The following BUB1B variants were observed in gnomAD, a reference collection of about 807,000 sequenced individuals.
BUB1B encodes the protein mitotic checkpoint serine/threonine-protein kinase BUB1 beta.
A neutral mutation model predicts 137.7 loss-of-function variants in BUB1B; 86 were observed. The ratio of observed to expected loss-of-function variants is 0.62; its 90% confidence interval spans 0.52 to 0.75. The LOEUF is 0.75. Among genes scored for constraint, BUB1B ranks in the 30% least tolerant of loss-of-function variants. The probability of loss-of-function intolerance (pLI) is 0.00; values close to 1 mark genes in which losing one functional copy is unlikely to be tolerated. For missense variants in BUB1B, 1,130 were observed against 1,236.9 expected (o/e 0.91, Z 1.30); for synonymous variants, 420 against 417.9 (o/e 1.00, Z -0.06).
At chr15:40,179,111 TG>T (rs1180814811) in intron 5 of BUB1B, among the ~76,000 whole-genome samples, 1 of 152,136 alleles carries the variant, frequency 6.6e-6, no homozygotes, top group African/African-American at 2.4e-5. Context: ...CTACAATACA[TG>T]GTCTTTTGTG....
In BUB1B at chr15:40,170,047, C is replaced by T; in HGVS notation, c.180-15C>T. The T allele has an allele frequency of 3.7e-6, 6 of 1,609,332 alleles. No individual in the cohort carries two copies. The highest frequency in any genetic ancestry group is 5.1e-6 in the Non-Finnish European group (6 of 1,175,686). Reference sequence around the variant, plus strand: ...TCACTATTGCATATGCTAACTTTTTCTGTTTACATTTCAGGGCATTTGAAT... The same window carrying T: ...TCACTATTGCATATGCTAACTTTTTTTGTTTACATTTCAGGGCATTTGAAT... On this transcript the variant is annotated splice_polypyrimidine_tract_variant and intron_variant, in intron 2 of 22. Transcript: ENST00000287598.
chr15:40,213,252 C>G (rs966412717), intron 19 of BUB1B, 80 bp from the exon 20 acceptor site: 1 of 1,504,836 alleles, frequency 6.6e-7, no homozygotes. Context: ...GACTACAAAC[C>G]ATCAGTTTTC....
chr15:40,206,312 T>C lies in BUB1B; in HGVS notation c.1863T>C (p.Pro621=). The change falls in exon 15 of 23, where the codon CCT becomes CCC. Residue 621 remains proline (P), a synonymous_variant. Coordinates refer to ENST00000287598, the MANE Select transcript of BUB1B (RefSeq NM_001211.6). ...FARAARFVST[P]FHEIMSLKDL... Reference sequence around the variant, plus strand: ...GAGCAGCTCGTTTTGTATCCACTCCTTTTCATGAGATAATGTCCTTGAAGG... The same window carrying C: ...GAGCAGCTCGTTTTGTATCCACTCCCTTTCATGAGATAATGTCCTTGAAGG... The C allele has an allele frequency of 6.2e-7, 1 of 1,614,210 alleles. No homozygotes were observed. The highest frequency in any genetic ancestry group is 8.5e-7 in the Non-Finnish European group (1 of 1,180,034).
intron 8 of BUB1B, among the ~76,000 whole-genome samples, chr15:40,189,963 T>A (rs994485009): frequency 3.9e-5 from 6 of 152,224 alleles, no homozygotes; most frequent in Admixed American, 2.0e-4. Context: ...ACTAATGATG[T>A]TGAGCCTATT....
chr15:40,208,869 CT>C, intron 16 of BUB1B, 99 bp downstream of exon 16: 1 of 1,265,312 alleles, frequency 7.9e-7, no homozygotes, highest in African/African-American at 1.5e-5. Flanking sequence ...GGGTCTCACT[CT>C]GTCACCCAGG....
intron 8 of BUB1B, chr15:40,186,903 CTTTTTTTTTTT>C (rs1038928374): frequency 3.5e-5 from 5 of 143,902 alleles, no homozygotes; most frequent in African/African-American, 1.3e-4. Context: ...TATTTTTTTT[CTTTTTTTTTTT>C]TTCTTTTTAA....
chr15:40,169,609 C>CTTTTTTTTTT (rs893767898), intron 2 of BUB1B, among the ~76,000 whole-genome samples: 3 of 96,950 alleles, frequency 3.1e-5, no homozygotes, highest in Non-Finnish European at 2.1e-5. Flanking sequence ...TATTTCTATT[C>CTTTTTTTTTT]TTTTTTTTTT....
At chr15:40,162,385 T>G (rs192607665) in intron 1 of BUB1B, among the ~76,000 whole-genome samples, 2 of 152,306 alleles carry the variant, frequency 1.3e-5, no homozygotes. Context: ...TTGGAAGGTT[T>G]TGAGCAAAGG....
In BUB1B at chr15:40,202,712, T is replaced by G; in HGVS notation, c.1734+18T>G. The G allele has an allele frequency of 6.3e-7, 1 of 1,587,648 alleles. No homozygotes were observed. The highest frequency in any genetic ancestry group is 1.1e-5 in the South Asian group (1 of 90,552). On this transcript the variant is annotated intron_variant, in intron 14 of 22. Coordinates refer to ENST00000287598, the MANE Select transcript of BUB1B (RefSeq NM_001211.6). The stretch of plus-strand genomic sequence containing the variant: ...ATGTTTGTGTAAGGAGCAGTATCCT[T>G]AAGTTAATGTAAATGGGCTAGTGGA...
At position 40,170,519 on chromosome 15, in the gene BUB1B, C is replaced by CT. The variant is rs565269874; in HGVS notation, c.240-13dup. On this transcript the variant is annotated splice_polypyrimidine_tract_variant and intron_variant, in intron 3 of 22. Coordinates refer to ENST00000287598, the MANE Select transcript of BUB1B (RefSeq NM_001211.6). The stretch of plus-strand genomic sequence containing the variant: ...TGTTCAATTTAAAATGTGTTCTTAT[C>CT]TTTTTCCTCCCATTTAGGTATATCA... 434 of 1,612,974 alleles carry CT rather than the reference C, an allele frequency of 2.7e-4. 4 individuals are homozygous for CT. The South Asian group carries it at 4.7e-3, about 17-fold the overall frequency.
intron 8 of BUB1B, among the ~76,000 whole-genome samples, chr15:40,187,842 C>T (rs988628389): frequency 3.3e-5 from 5 of 152,184 alleles, no homozygotes; most frequent in South Asian, 4.2e-4. Context: ...TTTGTGGCTA[C>T]GGTGAGCTGT....
At chr15:40,199,576 T>A in intron 9 of BUB1B, 39 bp from the exon 10 acceptor site, 1 of 1,528,416 alleles carries the variant, frequency 6.5e-7, no homozygotes, top group Non-Finnish European at 9.1e-7. Flanking sequence ...AATGAGTTAC[T>A]ATGAGGAATA....
chr15:40,200,464 A>G, intron 11 of BUB1B, 105 bp downstream of exon 11: 1 of 808,216 alleles, frequency 1.2e-6, no homozygotes, highest in Non-Finnish European at 2.1e-6. Flanking sequence ...CAGTATCGAG[A>G]CATGGTTTTT....
At chr15:40,200,463 G>A in intron 11 of BUB1B, 104 bp downstream of exon 11, 1 of 811,876 alleles carries the variant, frequency 1.2e-6, no homozygotes, top group Non-Finnish European at 2.0e-6. Context: ...ACAGTATCGA[G>A]ACATGGTTTT....
chr15:40,220,430 A>G lies in BUB1B; in HGVS notation c.2958-134A>G, dbSNP rs55816265. On this transcript the variant is annotated intron_variant, in intron 22 of 22. Coordinates refer to ENST00000287598, the MANE Select transcript of BUB1B (RefSeq NM_001211.6). ...CCTGGGCTTTCAAAGGACTATTTGA[A>G]TGATCTCTAACCCTAGAGTTCTAGG... 2,816 of 882,644 alleles carry G rather than the reference A, an allele frequency of 3.2e-3. 64 individuals are homozygous for G. In the African/African-American group the frequency reaches 0.043, roughly 13 times the overall value. The allele number at this position is 882,644 out of a possible 1,614,324, so 54.7% of individuals were successfully genotyped here.
Position 40,202,605 on chromosome 15 carries a change from C to T in BUB1B, c.1645C>T (p.Pro549Ser). The change falls in exon 14 of 23, where the codon CCA (proline) becomes TCA (serine). Residue 549 changes from proline (P) to serine (S), a missense_variant. Transcript: ENST00000287598. The part of the protein sequence containing the change: ...KKNKSPPADP[P>S]RVLAQRRPLA... ...TTTTTCCAGTCCTCCTGCAGATCCCCCACGAGTTTTAGCTCAACGAAGACC... is the reference window on the plus strand; with the variant it reads ...TTTTTCCAGTCCTCCTGCAGATCCCTCACGAGTTTTAGCTCAACGAAGACC... 1.2e-6 allele frequency: 2 copies of T among 1,613,942 alleles called. No individual in the cohort carries two copies. Among genetic ancestry groups the T allele is most frequent in the African/African-American group, 1.3e-5 (1 of 74,962 alleles).
At chr15:40,210,765 A>C (rs2037701235) in intron 18 of BUB1B, among the ~76,000 whole-genome samples, 1 of 152,308 alleles carries the variant, frequency 6.6e-6, no homozygotes, top group Non-Finnish European at 1.5e-5. Flanking sequence ...TTGGCCTCCC[A>C]AAGAACTGGA....
At chr15:40,185,757 G>A (rs2037353678) in intron 8 of BUB1B, 115 bp downstream of exon 8, 4 of 975,564 alleles carry the variant, frequency 4.1e-6, no homozygotes, top group East Asian at 5.0e-5. Context: ...ACCAGGCCAG[G>A]CGCAGTAGCT....
chr15:40,176,922 C>T (rs554140580), intron 5 of BUB1B, among the ~76,000 whole-genome samples: 1 of 152,128 alleles, frequency 6.6e-6, no homozygotes, highest in African/African-American at 2.4e-5. Flanking sequence ...TAATTTCACA[C>T]CCCCCAAAAG....
Sources: gnomAD v4.1 joint callset for allele counts (sites outside exome capture counted in the v4.1 genomes callset) on GRCh38, gnomAD v4.1.1 for gene constraint, MANE v1.5 for transcripts, NCBI Gene and HGNC (gene_info 2026-07-23, HGNC 2026-07-21) for gene names.